The following SYN2 variants were observed in gnomAD, a reference collection of about 807,000 sequenced individuals.
SYN2 encodes the protein synapsin-2.
In SYN2, 19 loss-of-function variants were observed where a neutral mutation model predicts 50.9. That is an observed-to-expected ratio of 0.37 (90% CI 0.26 to 0.55). The LOEUF (loss-of-function observed/expected upper bound fraction) is 0.55. SYN2 is among the 20% of genes least tolerant of loss of function. The pLI is 0.81. For synonymous variants in SYN2, 255 were observed against 224.9 expected (o/e 1.13, Z -1.20); for missense variants, 587 against 576.4 (o/e 1.02, Z -0.19).
At chr3:12,070,377 C>T in intron 1 of SYN2, 1 of 524,660 alleles carries the variant, frequency 1.9e-6, no homozygotes, top group South Asian at 1.6e-5. Context: ...GTCAGAAGGA[C>T]TCCTACGTGG....
In SYN2 at chr3:12,156,888, G is replaced by C. The variant is rs201423861; in HGVS notation, c.775-4658G>C. ...ACCACAGAGGGAAGAGTCAAAAGGC[G>C]TATAGATATACTGAACATCCTTGAC... is the stretch of plus-strand genomic sequence containing the variant. On this transcript the variant is annotated intron_variant, in intron 5 of 12. Transcript: ENST00000621198. 5.6e-6 allele frequency: 9 copies of C among 1,614,000 alleles called. No homozygotes were observed. The African/African-American group carries it at 6.7e-5, about 12-fold the overall frequency.
intron 1 of SYN2, among the ~76,000 whole-genome samples, chr3:12,108,669 C>T (rs1696251380): frequency 1.3e-5 from 2 of 152,088 alleles, no homozygotes; most frequent in South Asian, 4.1e-4. Context: ...AGGAGTACAG[C>T]TGTTACTAAG....
At chr3:12,170,137 C>T (rs1697907081) in intron 10 of SYN2, among the ~76,000 whole-genome samples, 1 of 152,184 alleles carries the variant, frequency 6.6e-6, no homozygotes, top group Non-Finnish European at 1.5e-5. Flanking sequence ...ATATAATTAA[C>T]CAGAGGAGCA....
rs1574900610 is a variant in SYN2, at chr3:12,191,028, C to G, written c.*403C>G. 4.0e-6 allele frequency: 4 copies of G among 996,246 alleles called. No homozygotes were observed. Among genetic ancestry groups the G allele is most frequent in the Non-Finnish European group, 4.8e-6 (4 of 837,436 alleles). 61.7% of individuals were successfully genotyped at this position (996,246 alleles called of 1,614,324 possible). Reference sequence around the variant, plus strand: ...GTGCTAAGCATGCCCCGCCCCCATTCAGTGATACCTGTTTGGGAAGTATAT... The same window carrying G: ...GTGCTAAGCATGCCCCGCCCCCATTGAGTGATACCTGTTTGGGAAGTATAT... On this transcript the variant is annotated 3_prime_UTR_variant, in exon 13 of 13. Transcript: ENST00000621198.
At chr3:12,018,223 A>G (rs1391308687) in intron 1 of SYN2, among the ~76,000 whole-genome samples, 3 of 152,156 alleles carry the variant, frequency 2.0e-5, no homozygotes, top group Non-Finnish European at 4.4e-5. Flanking sequence ...TTGAAAGATG[A>G]GTGGGATTTA....
chr3:12,117,913 C>T (rs996156399), intron 1 of SYN2, among the ~76,000 whole-genome samples: 1 of 152,182 alleles, frequency 6.6e-6, no homozygotes, highest in Admixed American at 6.5e-5. Context: ...GTCTGAGTTC[C>T]TACTACCTGG....
At chr3:12,109,836 A>G (rs1696275642) in intron 1 of SYN2, among the ~76,000 whole-genome samples, 1 of 152,222 alleles carries the variant, frequency 6.6e-6, no homozygotes, top group African/African-American at 2.4e-5. Flanking sequence ...TACCCCTACC[A>G]TTTAAAAGCT....
intron 1 of SYN2, among the ~76,000 whole-genome samples, chr3:12,107,530 T>C (rs1421179747): frequency 6.6e-6 from 1 of 152,196 alleles, no homozygotes; most frequent in African/African-American, 2.4e-5. Context: ...CTTAGTTCAG[T>C]TGCTAATGGT....
At chr3:12,043,255 T>C (rs307581) in intron 1 of SYN2, among the ~76,000 whole-genome samples, 97,475 of 151,880 alleles carry the variant, frequency 0.64, 33,819 homozygotes, top group South Asian at 0.78. Flanking sequence ...AGCGCCTGAC[T>C]TCAAGCAATC....
chr3:12,066,615 G>A (rs1341244025), intron 1 of SYN2, among the ~76,000 whole-genome samples: 1 of 152,038 alleles, frequency 6.6e-6, no homozygotes, highest in African/African-American at 2.4e-5. Context: ...CCTTACATTT[G>A]TGTACTTATA....
chr3:12,130,179 T>C (rs1306606352), intron 1 of SYN2, among the ~76,000 whole-genome samples: 1 of 151,588 alleles, frequency 6.6e-6, no homozygotes, highest in East Asian at 1.9e-4. Context: ...TGAGTATACA[T>C]AGGTATATGT....
At chr3:12,047,280 T>TA (rs1694760383) in intron 1 of SYN2, among the ~76,000 whole-genome samples, 1 of 152,022 alleles carries the variant, frequency 6.6e-6, no homozygotes, top group Non-Finnish European at 1.5e-5. Context: ...TGGAGGAGAA[T>TA]ATGGGTGAAG....
At chr3:12,122,427 G>A (rs775291641) in intron 1 of SYN2, among the ~76,000 whole-genome samples, 2 of 152,106 alleles carry the variant, frequency 1.3e-5, no homozygotes, top group Non-Finnish European at 2.9e-5. Context: ...CAGGCCTCTT[G>A]GGATATCTGT....
intron 1 of SYN2, among the ~76,000 whole-genome samples, chr3:12,076,110 A>G (rs1046453728): frequency 6.6e-6 from 1 of 152,164 alleles, no homozygotes; most frequent in Non-Finnish European, 1.5e-5. Flanking sequence ...AGTCAGGACT[A>G]GAATATATGC....
chr3:12,094,195 T>C (rs1037120502), intron 1 of SYN2, among the ~76,000 whole-genome samples: 2 of 152,168 alleles, frequency 1.3e-5, no homozygotes, highest in Admixed American at 1.3e-4. Context: ...CTAATATTAT[T>C]AATCTGTTTT....
At chr3:12,093,614 C>T (rs528748415) in intron 1 of SYN2, among the ~76,000 whole-genome samples, 4 of 152,202 alleles carry the variant, frequency 2.6e-5, no homozygotes, top group South Asian at 2.1e-4. Flanking sequence ...TTAGTAGTAA[C>T]GATACTTTGA....
At chr3:12,007,738 G>T (rs900733921) in intron 1 of SYN2, among the ~76,000 whole-genome samples, 9 of 152,144 alleles carry the variant, frequency 5.9e-5, no homozygotes, top group Admixed American at 2.0e-4. Context: ...TAAAAGAAGG[G>T]CTTAAAATAA....
At chr3:12,024,731 A>G (rs1203028021) in intron 1 of SYN2, among the ~76,000 whole-genome samples, 1 of 152,228 alleles carries the variant, frequency 6.6e-6, no homozygotes, top group Non-Finnish European at 1.5e-5. Context: ...ACTGTGAATA[A>G]TGGTGATAAG....
chr3:12,183,245 C>T lies in SYN2; in HGVS notation c.1309-67C>T, dbSNP rs944411654. 6.6e-5 allele frequency: 102 copies of T among 1,550,022 alleles called. 2 individuals carry two copies. The South Asian group carries it at 7.8e-4, about 12-fold the overall frequency. On this transcript the variant is annotated intron_variant, in intron 10 of 12. Coordinates refer to ENST00000621198, the MANE Select transcript of SYN2 (RefSeq NM_133625.6). The stretch of plus-strand genomic sequence containing the variant: ...CCACTGCGGCCTTGCCATGGAGCCA[C>T]GTGGTTTCTCTTTGGAATTCAGTGG...
Sources: gnomAD v4.1 joint callset for allele counts (sites outside exome capture counted in the v4.1 genomes callset) on GRCh38, gnomAD v4.1.1 for gene constraint, MANE v1.5 for transcripts, NCBI Gene and HGNC (gene_info 2026-07-23, HGNC 2026-07-21) for gene names.